Variants in SIK3 observed in about 807,000 individuals in gnomAD.
The protein encoded by SIK3 is serine/threonine-protein kinase SIK3.
SIK3 carries 28 observed loss-of-function variants against 144.2 expected under a neutral mutation model. The ratio of observed to expected loss-of-function variants is 0.19; its 90% CI spans 0.14 to 0.27. The LOEUF (loss-of-function observed/expected upper bound fraction) is 0.27. Ranked by LOEUF, SIK3 falls within the 10% of genes least tolerant of loss-of-function variation. The pLI is 1.00. For missense variants in SIK3, 1,319 were observed against 1,776.0 expected, an observed-to-expected ratio of 0.74 and a Z score of 4.62; for synonymous variants, 686 against 676.3, an observed-to-expected ratio of 1.01 and a Z score of -0.22.
intron 1 of SIK3, among the ~76,000 whole-genome samples, chr11:116,961,114 C>T (rs1287539098): frequency 3.9e-5 from 6 of 152,188 alleles, no homozygotes; most frequent in Non-Finnish European, 8.8e-5. Context: ...AGGATGGAAC[C>T]CACAGCAAGA....
intron 4 of SIK3, among the ~76,000 whole-genome samples, chr11:116,906,441 T>C (rs1232642062): frequency 6.6e-6 from 1 of 152,094 alleles, no homozygotes; most frequent in Non-Finnish European, 1.5e-5. Flanking sequence ...AAGGATAAAA[T>C]ATTTTTGAAA....
chr11:116,848,086 T>A (rs7127590), intron 22 of SIK3, among the ~76,000 whole-genome samples: 10 of 152,116 alleles, frequency 6.6e-5, no homozygotes, highest in African/African-American at 2.2e-4. Flanking sequence ...AGGCTGAGGC[T>A]GGTGGATCAT....
chr11:116,862,505 A>T (rs1468618931), intron 16 of SIK3, among the ~76,000 whole-genome samples, 178 bp from the exon 17 acceptor site: 1 of 152,244 alleles, frequency 6.6e-6, no homozygotes, highest in Non-Finnish European at 1.5e-5. Flanking sequence ...ATAGATTCAC[A>T]TCCTGTTCTG....
At position 116,844,524 on chromosome 11, in the gene SIK3, G is replaced by C. The variant is rs1287834298; in HGVS notation, c.*1119C>G. ...GAAGAGGAGGTTAGGAGAGAGGCAGGGCCCAAGGCAACCTCCTACACTTCT... is the reference window on the plus strand; with the variant it reads ...GAAGAGGAGGTTAGGAGAGAGGCAGCGCCCAAGGCAACCTCCTACACTTCT... On this transcript the variant is annotated 3_prime_UTR_variant, in exon 25 of 25. Coordinates refer to ENST00000445177, the MANE Select transcript of SIK3 (RefSeq NM_001366686.3). 6.8e-6 allele frequency: 1 copy of C among 146,062 alleles called. No homozygotes were observed. Among genetic ancestry groups the C allele is most frequent in the Non-Finnish European group, 1.5e-5 (1 of 66,866 alleles). The allele number at this position is 146,062 out of a possible 1,614,324, so 9.0% of individuals were successfully genotyped here.
chr11:117,096,536 C>G (rs191573464), intron 1 of SIK3, among the ~76,000 whole-genome samples: 5 of 152,304 alleles, frequency 3.3e-5, no homozygotes, highest in Admixed American at 3.3e-4. Context: ...TTGGCTCAAT[C>G]GACTTCCCCT....
rs1034867717 is a variant in SIK3 at position 116,873,442 on chromosome 11, C to T, written c.1737+39G>A. On this transcript the variant is annotated intron_variant, in intron 13 of 24. Coordinates refer to ENST00000445177, the MANE Select transcript of SIK3 (RefSeq NM_001366686.3). ...AGGCTCACAACCTTTTTATCAAAAG[C>T]CTCTGAGACAGTGAATTGGGCTCTG... is the stretch of plus-strand genomic sequence containing the variant. The T allele has an allele frequency of 3.1e-6, 5 of 1,613,830 alleles. No homozygotes were observed. In the African/African-American group the frequency reaches 6.7e-5, roughly 22 times the overall value.
chr11:116,953,045 T>TA (rs1299099958), intron 3 of SIK3, among the ~76,000 whole-genome samples: 1 of 152,096 alleles, frequency 6.6e-6, no homozygotes, highest in Admixed American at 6.6e-5. Context: ...GCACTTACCC[T>TA]AAAGATACTT....
At chr11:117,004,085 T>C (rs529915749) in intron 1 of SIK3, among the ~76,000 whole-genome samples, 4 of 152,302 alleles carry the variant, frequency 2.6e-5, no homozygotes, top group African/African-American at 9.6e-5. Flanking sequence ...CCAAATATCA[T>C]CTGATCATCC....
At chr11:116,886,428 T>A (rs1944821966) in intron 6 of SIK3, among the ~76,000 whole-genome samples, 1 of 152,192 alleles carries the variant, frequency 6.6e-6, no homozygotes, top group Non-Finnish European at 1.5e-5. Flanking sequence ...AGTAAGCCTA[T>A]CAGGGCAGAG....
rs533753741 is a variant in SIK3 at position 117,088,604 on chromosome 11, C to G, written c.273+9539G>C. Among the ~76,000 whole-genome samples, 5 of 152,274 alleles carry G rather than the reference C, an allele frequency of 3.3e-5. No homozygotes were observed. The South Asian group carries it at 1.0e-3, about 32-fold the overall frequency. The stretch of plus-strand genomic sequence containing the variant: ...TGAATAACAGATTAAAATTCCGGCC[C>G]CCACAGGGCTTACATTAGATTATCA... On this transcript the variant is annotated intron_variant, in intron 1 of 24. Coordinates refer to ENST00000445177, the MANE Select transcript of SIK3 (RefSeq NM_001366686.3).
At chr11:116,928,916 G>A (rs955030540) in intron 3 of SIK3, among the ~76,000 whole-genome samples, 4 of 152,084 alleles carry the variant, frequency 2.6e-5, no homozygotes, top group Non-Finnish European at 5.9e-5. Flanking sequence ...CAAGATTATC[G>A]ATTTAATAGA....
At chr11:116,939,232 C>T (rs900646531) in intron 3 of SIK3, among the ~76,000 whole-genome samples, 1 of 152,212 alleles carries the variant, frequency 6.6e-6, no homozygotes, top group African/African-American at 2.4e-5. Context: ...ACTGCAACCT[C>T]CGCCTCCTGG....
At chr11:117,070,253 A>G (rs1287505365) in intron 1 of SIK3, among the ~76,000 whole-genome samples, 1 of 152,230 alleles carries the variant, frequency 6.6e-6, no homozygotes, top group East Asian at 1.9e-4. Flanking sequence ...ACAGAAGCAG[A>G]TAACAAATAT....
At chr11:116,999,716 C>A (rs1365818877) in intron 1 of SIK3, among the ~76,000 whole-genome samples, 1 of 152,174 alleles carries the variant, frequency 6.6e-6, no homozygotes, top group Non-Finnish European at 1.5e-5. Flanking sequence ...TGAGCCACTG[C>A]ACCCAGCCCA....
chr11:117,076,907 G>C (rs979709590), intron 1 of SIK3, among the ~76,000 whole-genome samples: 3 of 152,168 alleles, frequency 2.0e-5, no homozygotes, highest in African/African-American at 7.2e-5. Flanking sequence ...TATAATTCCA[G>C]TGCTTTGGAA....
At position 116,896,416 on chromosome 11, in the gene SIK3, AGGGG is replaced by A. The variant is rs1591259368; in HGVS notation, c.742-44_742-41del. On this transcript the variant is annotated intron_variant, in intron 5 of 24. Coordinates refer to ENST00000445177, the MANE Select transcript of SIK3 (RefSeq NM_001366686.3). Reference sequence around the variant, plus strand: ...GAGAGGATGTACAATTAATCACATCAGGGGAAACAAAAAAGACTACTGTAGTGTG... The same window carrying A: ...GAGAGGATGTACAATTAATCACATCAAAACAAAAAAGACTACTGTAGTGTG... 9 of 1,602,816 alleles carry A rather than the reference AGGGG, an allele frequency of 5.6e-6. No individual in the cohort carries two copies. In the Admixed American group the frequency reaches 6.7e-5, roughly 12 times the overall value.
chr11:117,098,086 G>A, intron 1 of SIK3, 57 bp downstream of exon 1: 4 of 1,307,308 alleles, frequency 3.1e-6, no homozygotes, highest in Non-Finnish European at 9.8e-7. Flanking sequence ...GCTGGGGGGC[G>A]CGGACCTCTC....
At chr11:116,875,788 AGGGT>A in intron 9 of SIK3, 74 bp downstream of exon 9, 1 of 1,477,006 alleles carries the variant, frequency 6.8e-7, no homozygotes, top group Non-Finnish European at 9.0e-7. Flanking sequence ...CTCTCGACTT[AGGGT>A]TAGTGAGCAA....
At chr11:116,884,872 CAT>C (rs1944734202) in intron 6 of SIK3, among the ~76,000 whole-genome samples, 1 of 152,140 alleles carries the variant, frequency 6.6e-6, no homozygotes, top group Admixed American at 6.5e-5. Flanking sequence ...AGATCCGACT[CAT>C]AAAAAATAAG....
Sources: gnomAD v4.1 joint callset for allele counts (sites outside exome capture counted in the v4.1 genomes callset) on GRCh38, gnomAD v4.1.1 for gene constraint, MANE v1.5 for transcripts, NCBI Gene and HGNC (gene_info 2026-07-23, HGNC 2026-07-21) for gene names.